Variants in JMJD1C observed in about 807,000 individuals in gnomAD.
JMJD1C encodes jumonji domain containing 1C, also known as jumonji domain-containing protein 1C.
In JMJD1C, 31 loss-of-function variants were observed where a neutral mutation model predicts 245.3. That is an observed-to-expected ratio of 0.13 (90% confidence interval 0.09 to 0.17). The LOEUF (loss-of-function observed/expected upper bound fraction) is 0.17, where lower values mean the gene tolerates loss of function less well. Among genes scored for constraint, JMJD1C ranks in the 10% least tolerant of loss-of-function variants. The pLI, the probability that JMJD1C is intolerant of heterozygous loss-of-function variation, is 1.00. For missense variants in JMJD1C, 2,691 were observed against 3,000.2 expected (o/e 0.90, Z 2.41); for synonymous variants, 1,057 against 1,017.4 (o/e 1.04, Z -0.74).
intron 2 of JMJD1C, among the ~76,000 whole-genome samples, chr10:63,284,259 C>G (rs920836056): frequency 2.6e-5 from 4 of 152,170 alleles, no homozygotes; most frequent in African/African-American, 9.7e-5. Flanking sequence ...CTCCTGACCT[C>G]AAGTGAACCA....
chr10:63,211,933 T>A (rs749974830), intron 8 of JMJD1C, among the ~76,000 whole-genome samples: 1 of 151,238 alleles, frequency 6.6e-6, no homozygotes, highest in East Asian at 1.9e-4. Flanking sequence ...AAATGTCCAC[T>A]GACAGATGAA....
intron 1 of JMJD1C, among the ~76,000 whole-genome samples, chr10:63,428,210 CATCA>C (rs1950551686): frequency 6.6e-6 from 1 of 152,154 alleles, no homozygotes; most frequent in African/African-American, 2.4e-5. Context: ...AAAGAAACTA[CATCA>C]ATCACTTTTT....
At chr10:63,517,103 A>T (rs1955042270) in intron 1 of JMJD1C, among the ~76,000 whole-genome samples, 1 of 152,196 alleles carries the variant, frequency 6.6e-6, no homozygotes, top group African/African-American at 2.4e-5. Flanking sequence ...TATATTTTTT[A>T]GCCACTGAAA....
At chr10:63,380,582 T>G in intron 1 of JMJD1C, 100 bp from the exon 2 acceptor site, 2 of 811,222 alleles carry the variant, frequency 2.5e-6, no homozygotes, top group South Asian at 1.8e-5. Context: ...GGGGTACATA[T>G]GATATCGTGA....
intron 12 of JMJD1C, among the ~76,000 whole-genome samples, chr10:63,197,830 T>C (rs1172546228): frequency 6.6e-6 from 1 of 152,244 alleles, no homozygotes; most frequent in African/African-American, 2.4e-5. Flanking sequence ...TGAATAATTC[T>C]TTGTTGGGAG....
intron 1 of JMJD1C, among the ~76,000 whole-genome samples, chr10:63,444,393 C>T (rs1951569109): frequency 6.6e-6 from 1 of 152,024 alleles, no homozygotes; most frequent in Admixed American, 6.6e-5. Context: ...CCTGCCTCAG[C>T]CTCCCGAGTA....
chr10:63,409,498 G>C (rs1305402033), intron 1 of JMJD1C, among the ~76,000 whole-genome samples: 1 of 152,042 alleles, frequency 6.6e-6, no homozygotes, highest in Non-Finnish European at 1.5e-5. Context: ...GATTTTAATT[G>C]GTATCTAGTA....
intron 1 of JMJD1C, among the ~76,000 whole-genome samples, chr10:63,455,197 CTTT>C (rs1473019170): frequency 6.6e-6 from 1 of 152,106 alleles, no homozygotes; most frequent in Non-Finnish European, 1.5e-5. Flanking sequence ...AAATATACTT[CTTT>C]ATGTTTCTGT....
rs148060925 is a variant in JMJD1C, at chr10:63,444,846, C to T, written c.168+20649G>A. ...AGCAATGTTCTCAATGCTGGGAATA[C>T]AGTTTATCAAAGCTGATAAAAGTCC... On this transcript the variant is annotated intron_variant, in intron 1 of 25. Coordinates refer to ENST00000399262, the MANE Select transcript of JMJD1C (RefSeq NM_032776.3). Among the ~76,000 whole-genome samples, 491 of 152,244 alleles carry T rather than the reference C, an allele frequency of 3.2e-3. 2 individuals are homozygous for T. The highest frequency in any genetic ancestry group is 0.011 in the African/African-American group (476 of 41,554).
intron 2 of JMJD1C, among the ~76,000 whole-genome samples, chr10:63,377,365 C>T (rs918098813): frequency 2.0e-5 from 3 of 152,028 alleles, no homozygotes; most frequent in African/African-American, 7.2e-5. Context: ...ACCAATGACC[C>T]GTGTACTCAA....
intron 1 of JMJD1C, among the ~76,000 whole-genome samples, chr10:63,490,082 A>C (rs139148095): frequency 1.3e-5 from 2 of 152,286 alleles, no homozygotes; most frequent in African/African-American, 4.8e-5. Flanking sequence ...TTTCATCCCA[A>C]AACTATTCAC....
At chr10:63,202,370 A>T in intron 10 of JMJD1C, 1 of 985,324 alleles carries the variant, frequency 1.0e-6, no homozygotes, top group Non-Finnish European at 1.2e-6. Context: ...TATTAGATTT[A>T]CATAGTTTGC....
intron 1 of JMJD1C, among the ~76,000 whole-genome samples, chr10:63,430,074 G>C (rs181897758): frequency 6.6e-6 from 1 of 152,262 alleles, no homozygotes; most frequent in African/African-American, 2.4e-5. Flanking sequence ...AAGTTGGTAT[G>C]GTTCCAAGAC....
At chr10:63,289,698 A>G (rs1397442017) in intron 2 of JMJD1C, among the ~76,000 whole-genome samples, 3 of 152,200 alleles carry the variant, frequency 2.0e-5, no homozygotes, top group Non-Finnish European at 4.4e-5. Context: ...ATTGTAATCC[A>G]TATTACTTAA....
At chr10:63,378,528 C>T (rs1436427858) in intron 2 of JMJD1C, among the ~76,000 whole-genome samples, 3 of 152,058 alleles carry the variant, frequency 2.0e-5, no homozygotes, top group South Asian at 2.1e-4. Context: ...GGAGGCAGAG[C>T]TTGCAGTGAG....
intron 1 of JMJD1C, among the ~76,000 whole-genome samples, chr10:63,422,805 G>A (rs1397196351): frequency 6.6e-6 from 1 of 152,014 alleles, no homozygotes; most frequent in East Asian, 1.9e-4. Flanking sequence ...CTAACGAGAG[G>A]GCAGTTTAGT....
At chr10:63,194,474 G>T in intron 13 of JMJD1C, 99 bp from the exon 14 acceptor site, 1 of 762,950 alleles carries the variant, frequency 1.3e-6, no homozygotes, top group Non-Finnish European at 2.2e-6. Context: ...TTCATAGTTG[G>T]CTAGAGTCAC....
At chr10:63,268,497 C>T (rs10761732) in intron 2 of JMJD1C, among the ~76,000 whole-genome samples, 101,019 of 152,048 alleles carry the variant, frequency 0.66, 36,172 homozygotes, top group Non-Finnish European at 0.81. Flanking sequence ...TTACTACAAA[C>T]ACAATAAACC....
intron 2 of JMJD1C, among the ~76,000 whole-genome samples, chr10:63,364,115 T>C (rs190635607): frequency 6.6e-6 from 1 of 152,330 alleles, no homozygotes; most frequent in Non-Finnish European, 1.5e-5. Flanking sequence ...TCCGCCCACC[T>C]TGGCCTCCCA....
Sources: gnomAD v4.1 joint callset for allele counts (sites outside exome capture counted in the v4.1 genomes callset) on GRCh38, gnomAD v4.1.1 for gene constraint, MANE v1.5 for transcripts, NCBI Gene and HGNC (gene_info 2026-07-23, HGNC 2026-07-21) for gene names.